The following DNAH12 variants were observed in gnomAD, a reference collection of about 807,000 sequenced individuals.
The protein encoded by DNAH12 is axonemal beta dynein heavy chain 12.
In DNAH12, 285 loss-of-function variants were observed where a neutral mutation model predicts 371.5. That is an observed-to-expected ratio of 0.77 (90% CI 0.70 to 0.85). DNAH12 has a LOEUF of 0.85. Ranked by LOEUF, DNAH12 falls within the 40% of genes least tolerant of loss-of-function variation. DNAH12 has a pLI of 0.00. For synonymous variants in DNAH12, 1,200 were observed against 1,213.0 expected (o/e 0.99, Z 0.22); for missense variants, 3,611 against 3,689.4 (o/e 0.98, Z 0.55).
At chr3:57,537,886 T>C (rs1380898781) in intron 2 of DNAH12, among the ~76,000 whole-genome samples, 6 of 152,122 alleles carry the variant, frequency 3.9e-5, no homozygotes, top group Non-Finnish European at 7.4e-5. Flanking sequence ...TGTTTCACCA[T>C]GTTGGCCAGG....
chr3:57,511,264 C>T (rs1476430812), intron 4 of DNAH12, among the ~76,000 whole-genome samples: 1 of 152,080 alleles, frequency 6.6e-6, no homozygotes, highest in Non-Finnish European at 1.5e-5. Flanking sequence ...TCCTTATTAT[C>T]TAACTTATTA....
intron 42 of DNAH12, among the ~76,000 whole-genome samples, chr3:57,404,650 G>A (rs1341849889): frequency 1.3e-5 from 2 of 152,114 alleles, no homozygotes; most frequent in Non-Finnish European, 2.9e-5. Flanking sequence ...AACCCGGGAG[G>A]TGGAGGTTGC....
At chr3:57,397,645 A>G (rs2063772742) in intron 43 of DNAH12, among the ~76,000 whole-genome samples, 1 of 152,196 alleles carries the variant, frequency 6.6e-6, no homozygotes, top group African/African-American at 2.4e-5. Flanking sequence ...AGAGGAATAC[A>G]ACGGAATCAG....
At chr3:57,503,964 G>T in intron 9 of DNAH12, 52 bp downstream of exon 9, 3 of 1,445,068 alleles carry the variant, frequency 2.1e-6, no homozygotes, top group South Asian at 1.2e-5. Flanking sequence ...ACTGCATAGA[G>T]ATTCAATTCA....
intron 13 of DNAH12, among the ~76,000 whole-genome samples, chr3:57,475,847 G>C (rs2066506213): frequency 1.3e-5 from 2 of 152,058 alleles, no homozygotes; most frequent in Admixed American, 1.3e-4. Flanking sequence ...TCTAAAACTG[G>C]AACTACTTAG....
chr3:57,311,991 C>A (rs2061592741), intron 66 of DNAH12, among the ~76,000 whole-genome samples: 1 of 152,072 alleles, frequency 6.6e-6, no homozygotes, highest in Non-Finnish European at 1.5e-5. Context: ...AATATGAAGG[C>A]CTGAATTTAT....
chr3:57,430,532 C>A (rs1340742886), intron 32 of DNAH12, among the ~76,000 whole-genome samples: 1 of 152,098 alleles, frequency 6.6e-6, no homozygotes, highest in Non-Finnish European at 1.5e-5. Context: ...CTTCTTTTAT[C>A]AAATATGTCA....
intron 4 of DNAH12, among the ~76,000 whole-genome samples, chr3:57,516,053 CTTTTTTTTTTT>C (rs11395278): frequency 0.012 from 866 of 72,048 alleles, 29 homozygotes; most frequent in African/African-American, 0.043. Flanking sequence ...ACTGCTTAGT[CTTTTTTTTTTT>C]TTTTTTTTTT....
chr3:57,298,678 T>C (rs950084020), intron 70 of DNAH12, among the ~76,000 whole-genome samples: 1 of 152,244 alleles, frequency 6.6e-6, no homozygotes, highest in Admixed American at 6.5e-5. Flanking sequence ...CCATTCATTC[T>C]TTAAATCCCA....
intron 38 of DNAH12, 29 bp downstream of exon 38, chr3:57,415,397 T>C (rs1195155403): frequency 1.9e-6 from 3 of 1,541,154 alleles, no homozygotes; most frequent in Non-Finnish European, 2.6e-6. Context: ...AAATTAACGA[T>C]AGACCCCCAT....
At chr3:57,350,904 G>A (rs200497422) in intron 60 of DNAH12, among the ~76,000 whole-genome samples, 2 of 152,124 alleles carry the variant, frequency 1.3e-5, no homozygotes, top group East Asian at 3.9e-4. Context: ...AGTCATCAGA[G>A]AAATATAAAT....
At chr3:57,496,941 C>G (rs537083107) in intron 11 of DNAH12, among the ~76,000 whole-genome samples, 2 of 151,972 alleles carry the variant, frequency 1.3e-5, no homozygotes, top group East Asian at 3.9e-4. Flanking sequence ...TGCACTACAG[C>G]CTAGGCAACA....
chr3:57,508,141 C>G (rs563006366), intron 7 of DNAH12, among the ~76,000 whole-genome samples: 2 of 147,260 alleles, frequency 1.4e-5, no homozygotes, highest in Non-Finnish European at 3.0e-5. Flanking sequence ...GAGCCAAGAT[C>G]GCACCATTGC....
At chr3:57,550,302 C>T in the DNAH12 span, among the ~76,000 whole-genome samples, 5 of 151,996 alleles carry the variant, frequency 3.3e-5, no homozygotes, top group African/African-American at 1.2e-4. Context: ...GGTCACAGAT[C>T]AAGACCCTGC....
chr3:57,467,457 A>G (rs904403703), intron 17 of DNAH12, among the ~76,000 whole-genome samples: 1 of 152,144 alleles, frequency 6.6e-6, no homozygotes, highest in East Asian at 1.9e-4. Context: ...CCATAGGTCA[A>G]CAATTTCTCT....
chr3:57,410,208 G>A (rs1239160681), intron 39 of DNAH12, among the ~76,000 whole-genome samples: 1 of 152,044 alleles, frequency 6.6e-6, no homozygotes, highest in Non-Finnish European at 1.5e-5. Context: ...TTAGAAACCT[G>A]TGTTGAGCAG....
At chr3:57,305,992 C>T (rs1367953549) in intron 69 of DNAH12, among the ~76,000 whole-genome samples, 2 of 152,266 alleles carry the variant, frequency 1.3e-5, no homozygotes, top group East Asian at 1.9e-4. Context: ...AAGAAATGCC[C>T]GCAGCCCGGG....
upstream of DNAH12, among the ~76,000 whole-genome samples, chr3:57,546,800 T>C (rs1311227359): frequency 6.6e-6 from 1 of 152,128 alleles, no homozygotes; most frequent in Non-Finnish European, 1.5e-5. Flanking sequence ...TCAATTGACA[T>C]TGATCTAAGA....
chr3:57,378,017 T>C (rs2063316848), intron 52 of DNAH12, among the ~76,000 whole-genome samples: 1 of 152,158 alleles, frequency 6.6e-6, no homozygotes, highest in Non-Finnish European at 1.5e-5. Context: ...AGACACAAAA[T>C]GCCCTGCTTT....
Sources: allele counts gnomAD v4.1 joint callset (sites outside exome capture counted in the v4.1 genomes callset), GRCh38; gene constraint gnomAD v4.1.1; transcripts MANE v1.5; gene names NCBI Gene and HGNC (gene_info 2026-07-23, HGNC 2026-07-21).